Variants in RBFOX1 observed in about 807,000 individuals in gnomAD.
RBFOX1 encodes the protein RNA binding fox-1 homolog 1, also known as RNA binding protein fox-1 homolog 1.
In RBFOX1, 8 loss-of-function variants were observed where a neutral mutation model predicts 57.7. The ratio of observed to expected loss-of-function variants is 0.14; its 90% CI spans 0.08 to 0.25. The LOEUF is 0.25. RBFOX1 is among the 10% of genes least tolerant of loss of function. The probability of loss-of-function intolerance (pLI) is 1.00; values close to 1 mark genes in which losing one functional copy is unlikely to be tolerated. For synonymous variants in RBFOX1, 326 were observed against 222.4 expected, an observed-to-expected ratio of 1.47 and a Z score of -4.15; for missense variants, 611 against 548.5, an observed-to-expected ratio of 1.11 and a Z score of -1.14.
intron 1 of RBFOX1, among the ~76,000 whole-genome samples, chr16:5,402,492 A>G (rs775886605): frequency 6.6e-6 from 1 of 152,172 alleles, no homozygotes; most frequent in Non-Finnish European, 1.5e-5. Context: ...ATTTGTCAGC[A>G]TAGCCAGAAA....
At chr16:7,348,022 G>C (rs1333819904) in intron 4 of RBFOX1, among the ~76,000 whole-genome samples, 1 of 152,146 alleles carries the variant, frequency 6.6e-6, no homozygotes, top group African/African-American at 2.4e-5. Context: ...CAATTGATTT[G>C]GTTTTCGATT....
chr16:6,885,054 A>G (rs889201138), intron 3 of RBFOX1, among the ~76,000 whole-genome samples: 1 of 152,250 alleles, frequency 6.6e-6, no homozygotes, highest in Non-Finnish European at 1.5e-5. Context: ...TTTATTTAAT[A>G]TGAAATCTCC....
chr16:6,380,641 T>G lies in RBFOX1; in HGVS notation c.-64+63584T>G, dbSNP rs528261580. ...GATATGTCTTTTGTTTTTTCTTCTT[T>G]TCCTCTGACATGCATTGCTATCATG... On this transcript the variant is annotated intron_variant, in intron 2 of 15. Transcript: ENST00000550418. Among the ~76,000 whole-genome samples the G allele has an allele frequency of 5.3e-5, 8 of 152,192 alleles. No homozygotes were observed. In the East Asian group the frequency reaches 1.4e-3, roughly 26 times the overall value.
chr16:7,593,462 T>A (rs941307444), intron 7 of RBFOX1, among the ~76,000 whole-genome samples: 8 of 152,160 alleles, frequency 5.3e-5, no homozygotes, highest in African/African-American at 1.9e-4. Flanking sequence ...TGCACAAGAC[T>A]AAGCAAGACC....
At chr16:6,139,271 C>G (rs1458299407) in intron 1 of RBFOX1, among the ~76,000 whole-genome samples, 1 of 152,112 alleles carries the variant, frequency 6.6e-6, no homozygotes, top group East Asian at 1.9e-4. Flanking sequence ...TGTTATTTTC[C>G]TGAGTGATAC....
At chr16:6,397,159 G>T (rs187174751) in intron 2 of RBFOX1, among the ~76,000 whole-genome samples, 2 of 152,122 alleles carry the variant, frequency 1.3e-5, no homozygotes, top group Non-Finnish European at 2.9e-5. Flanking sequence ...TTCAAATTTG[G>T]TGAAATACTT....
chr16:7,049,958 C>G (rs74863182), intron 3 of RBFOX1, among the ~76,000 whole-genome samples: 5 of 152,268 alleles, frequency 3.3e-5, no homozygotes, highest in African/African-American at 1.2e-4. Flanking sequence ...AGTTTGAGAA[C>G]ATTTTATTCA....
chr16:5,338,639 TTTTAC>T (rs1344598077), intron 1 of RBFOX1, among the ~76,000 whole-genome samples: 8 of 152,198 alleles, frequency 5.3e-5, no homozygotes, highest in African/African-American at 1.7e-4. Flanking sequence ...ATTTTGAAAG[TTTTAC>T]TTTAAAGTTT....
intron 4 of RBFOX1, among the ~76,000 whole-genome samples, chr16:7,346,799 T>G (rs2097018535): frequency 6.6e-6 from 1 of 152,152 alleles, no homozygotes; most frequent in African/African-American, 2.4e-5. Context: ...GTTGATGATC[T>G]CCACCATTCT....
intron 3 of RBFOX1, among the ~76,000 whole-genome samples, chr16:6,926,890 T>C (rs1252491570): frequency 6.6e-6 from 1 of 152,110 alleles, no homozygotes; most frequent in Non-Finnish European, 1.5e-5. Context: ...CTGCGCATTG[T>C]CCTAGCAGGT....
At chr16:7,539,041 G>A (rs2152447801) in intron 5 of RBFOX1, among the ~76,000 whole-genome samples, 1 of 152,262 alleles carries the variant, frequency 6.6e-6, no homozygotes, top group Non-Finnish European at 1.5e-5. Context: ...ATAAAGCTCA[G>A]CCTTGGCATT....
chr16:7,255,314 T>G (rs1387050820), intron 4 of RBFOX1, among the ~76,000 whole-genome samples: 3 of 152,216 alleles, frequency 2.0e-5, no homozygotes, highest in Non-Finnish European at 2.9e-5. Flanking sequence ...GTGGAAACTT[T>G]GAGTACAAAA....
At chr16:7,167,862 T>A (rs1188427123) in intron 4 of RBFOX1, among the ~76,000 whole-genome samples, 2 of 18,110 alleles carry the variant, frequency 1.1e-4, no homozygotes, top group Admixed American at 9.9e-4. Context: ...TATCTGGCCC[T>A]CTGCGAAAAA....
intron 3 of RBFOX1, among the ~76,000 whole-genome samples, chr16:6,656,964 TCTCC>T (rs1203943354): frequency 3.0e-5 from 2 of 65,618 alleles, no homozygotes; most frequent in East Asian, 8.2e-4. Flanking sequence ...TCCCCTTTCC[TCTCC>T]TCTCCTCCCC....
intron 4 of RBFOX1, among the ~76,000 whole-genome samples, chr16:7,196,221 C>A (rs11077146): frequency 0.66 from 100,459 of 152,048 alleles, 34,298 homozygotes; most frequent in African/African-American, 0.84. Flanking sequence ...AATAATGATT[C>A]CGTTAACTCA....
chr16:7,172,502 A>C (rs999061828), intron 4 of RBFOX1, among the ~76,000 whole-genome samples: 6 of 152,206 alleles, frequency 3.9e-5, no homozygotes, highest in Admixed American at 1.3e-4. Flanking sequence ...CAGCAAATCC[A>C]AAGTGCTACC....
intron 3 of RBFOX1, among the ~76,000 whole-genome samples, chr16:6,724,057 G>T (rs374645156): frequency 6.6e-6 from 1 of 152,086 alleles, no homozygotes; most frequent in East Asian, 1.9e-4. Context: ...ACATTTATAT[G>T]AAATATTTAT....
chr16:7,505,489 C>G lies in RBFOX1; in HGVS notation c.28-12658C>G, dbSNP rs567734693. 3.3e-5 allele frequency among the ~76,000 whole-genome samples: 5 copies of G among 152,256 alleles called. No individual in the cohort carries two copies. In the East Asian group the frequency reaches 9.7e-4, roughly 29 times the overall value. On this transcript the variant is annotated intron_variant, in intron 4 of 15. Transcript: ENST00000550418. Reference sequence around the variant, plus strand: ...TTTTTAAGGGCTAAGCACATATTTCCCTTTGGAATTATCACCTCAGAAGTG... The same window carrying G: ...TTTTTAAGGGCTAAGCACATATTTCGCTTTGGAATTATCACCTCAGAAGTG...
Position 6,640,359 on chromosome 16 carries a change from A to T in RBFOX1, c.-63-14244A>T, listed in dbSNP as rs1217702893. Among the ~76,000 whole-genome samples, 9 of 152,150 alleles carry T rather than the reference A, an allele frequency of 5.9e-5. No homozygotes were observed. The South Asian group carries it at 1.5e-3, about 25-fold the overall frequency. ...CATAGTGGCTCACATCTGTAATCCC[A>T]GAACTTGGGGAGGCCGAGGTGGGCG... On this transcript the variant is annotated intron_variant, in intron 2 of 15. Coordinates refer to ENST00000550418, the MANE Select transcript of RBFOX1 (RefSeq NM_018723.4).
Sources: allele counts gnomAD v4.1 joint callset (sites outside exome capture counted in the v4.1 genomes callset), GRCh38; gene constraint gnomAD v4.1.1; transcripts MANE v1.5; gene names NCBI Gene and HGNC (gene_info 2026-07-23, HGNC 2026-07-21).